The following CSMD1 variants were observed in gnomAD, a reference collection of about 807,000 sequenced individuals.
CSMD1 encodes CUB and Sushi multiple domains 1.
CSMD1 carries 213 observed loss-of-function variants against 417.5 expected under a neutral mutation model. That is an observed-to-expected ratio of 0.51 (90% CI 0.46 to 0.57). The LOEUF (loss-of-function observed/expected upper bound fraction) is 0.57. Ranked by LOEUF, CSMD1 falls within the 20% of genes least tolerant of loss-of-function variation. The pLI, the probability that CSMD1 is intolerant of heterozygous loss-of-function variation, is 0.00. For synonymous variants in CSMD1, 2,862 were observed against 1,736.8 expected (o/e 1.65, Z -16.11); for missense variants, 6,923 against 4,529.7 (o/e 1.53, Z -15.17).
chr8:3,747,474 T>A (rs1347232093), intron 6 of CSMD1, among the ~76,000 whole-genome samples: 1 of 150,636 alleles, frequency 6.6e-6, no homozygotes, highest in Non-Finnish European at 1.5e-5. Context: ...TTCCTGTTTT[T>A]CATATAAACA....
At chr8:4,124,962 TG>T (rs1304303747) in intron 3 of CSMD1, among the ~76,000 whole-genome samples, 1 of 152,166 alleles carries the variant, frequency 6.6e-6, no homozygotes, top group Non-Finnish European at 1.5e-5. Context: ...TTCCACCTCT[TG>T]GAAGTTTTAC....
intron 2 of CSMD1, among the ~76,000 whole-genome samples, chr8:4,600,779 A>G (rs558721006): frequency 1.3e-5 from 2 of 152,316 alleles, no homozygotes; most frequent in African/African-American, 4.8e-5. Flanking sequence ...ATAAATTGTT[A>G]GTAACTTCAG....
intron 25 of CSMD1, chr8:3,284,552 C>A (rs1054430667): frequency 1.8e-6 from 1 of 569,574 alleles, no homozygotes; most frequent in South Asian, 2.0e-5. Context: ...CACACAGGAC[C>A]TCAGTCTGTC....
intron 3 of CSMD1, among the ~76,000 whole-genome samples, chr8:4,332,293 C>G (rs895729549): frequency 6.6e-6 from 1 of 152,090 alleles, no homozygotes; most frequent in Non-Finnish European, 1.5e-5. Context: ...CCAAGCCTCT[C>G]TTGGAGATGC....
chr8:4,223,508 T>C (rs1020344874), intron 3 of CSMD1, among the ~76,000 whole-genome samples: 1 of 152,226 alleles, frequency 6.6e-6, no homozygotes, highest in Non-Finnish European at 1.5e-5. Flanking sequence ...GCACAGGGCG[T>C]AATCTACCAC....
intron 17 of CSMD1, among the ~76,000 whole-genome samples, chr8:3,390,793 G>C (rs1454280058): frequency 6.6e-6 from 1 of 152,078 alleles, no homozygotes; most frequent in Non-Finnish European, 1.5e-5. Context: ...GCAGGGTTCT[G>C]TATGAATCAA....
chr8:4,918,547 A>T (rs1806224430), intron 1 of CSMD1, among the ~76,000 whole-genome samples: 1 of 152,216 alleles, frequency 6.6e-6, no homozygotes, highest in Non-Finnish European at 1.5e-5. Context: ...AAAAAAGCCA[A>T]TTTCCAATGT....
intron 49 of CSMD1, among the ~76,000 whole-genome samples, chr8:3,083,832 G>C (rs1223053588): frequency 2.7e-5 from 4 of 150,850 alleles, no homozygotes; most frequent in African/African-American, 9.8e-5. Flanking sequence ...GCTAATGTTT[G>C]TATTTCCTGT....
intron 1 of CSMD1, among the ~76,000 whole-genome samples, chr8:4,968,163 T>C (rs1189152828): frequency 6.6e-6 from 1 of 152,192 alleles, no homozygotes; most frequent in Non-Finnish European, 1.5e-5. Flanking sequence ...GCCATACTTC[T>C]GAAATAGGAT....
intron 3 of CSMD1, among the ~76,000 whole-genome samples, chr8:4,368,426 G>C (rs796942693): frequency 3.9e-5 from 6 of 152,210 alleles, no homozygotes; most frequent in African/African-American, 1.4e-4. Flanking sequence ...TTTGCCAGAA[G>C]ATTCATTTTT....
rs558147289 is a variant in CSMD1, at chr8:4,716,789, T to A, written c.86-79231A>T. Among the ~76,000 whole-genome samples the A allele has an allele frequency of 3.0e-3, 461 of 152,312 alleles. 5 individuals are homozygous for A. The highest frequency in any genetic ancestry group is 0.011 in the African/African-American group (444 of 41,570). ...AAGTGTGGCAGGAAAGAAATCAGTG[T>A]CTCGCCTTTTTCCTTGCCATTTTCA... On this transcript the variant is annotated intron_variant, in intron 1 of 69. Coordinates refer to ENST00000635120, the MANE Select transcript of CSMD1 (RefSeq NM_033225.6).
intron 49 of CSMD1, among the ~76,000 whole-genome samples, chr8:3,057,181 G>A (rs1211612190): frequency 6.6e-6 from 1 of 152,060 alleles, no homozygotes; most frequent in Non-Finnish European, 1.5e-5. Context: ...CACACACGTG[G>A]TAAATACCTA....
intron 5 of CSMD1, among the ~76,000 whole-genome samples, chr8:3,778,411 C>G (rs2720753): frequency 0.26 from 39,763 of 151,886 alleles, 5,811 homozygotes; most frequent in African/African-American, 0.4. Context: ...TAAAAAGATT[C>G]AACACTTAAA....
chr8:4,868,180 G>T (rs910584687), intron 1 of CSMD1, among the ~76,000 whole-genome samples: 5 of 152,064 alleles, frequency 3.3e-5, no homozygotes, highest in Non-Finnish European at 7.4e-5. Flanking sequence ...ATTTACATAT[G>T]CAAACTGTTT....
At chr8:4,606,810 G>A (rs1211805071) in intron 2 of CSMD1, among the ~76,000 whole-genome samples, 1 of 152,106 alleles carries the variant, frequency 6.6e-6, no homozygotes, top group African/African-American at 2.4e-5. Flanking sequence ...TCCCCAAATA[G>A]AAAACTAATT....
intron 4 of CSMD1, among the ~76,000 whole-genome samples, chr8:4,015,397 TA>T (rs1020796996): frequency 1.3e-5 from 2 of 152,240 alleles, no homozygotes; most frequent in African/African-American, 4.8e-5. Flanking sequence ...TGCCTATGAT[TA>T]AAAAACCTCG....
At chr8:2,952,123 T>C (rs948495880) in intron 65 of CSMD1, among the ~76,000 whole-genome samples, 10 of 152,230 alleles carry the variant, frequency 6.6e-5, no homozygotes, top group African/African-American at 2.2e-4. Flanking sequence ...ACGTGAATTG[T>C]AGTGTATAAA....
At chr8:4,754,129 G>A (rs543307075) in intron 1 of CSMD1, among the ~76,000 whole-genome samples, 3 of 152,246 alleles carry the variant, frequency 2.0e-5, no homozygotes, top group South Asian at 4.1e-4. Flanking sequence ...TTTATTCTTG[G>A]TGGTAGCAAT....
chr8:3,488,577 T>A (rs767437889), intron 11 of CSMD1, among the ~76,000 whole-genome samples: 9 of 152,232 alleles, frequency 5.9e-5, no homozygotes, highest in Admixed American at 5.9e-4. Context: ...GAAATGTATA[T>A]CAGTAGGCTA....
Sources: gnomAD v4.1 joint callset for allele counts (sites outside exome capture counted in the v4.1 genomes callset) on GRCh38, gnomAD v4.1.1 for gene constraint, MANE v1.5 for transcripts, NCBI Gene and HGNC (gene_info 2026-07-23, HGNC 2026-07-21) for gene names.